MTMR12: variants seen among roughly 807,000 people sequenced by gnomAD.
MTMR12 encodes myotubularin-related protein 12.
Under a neutral mutation model 96.7 loss-of-function variants are expected in MTMR12, and 33 were observed. That is an observed-to-expected ratio of 0.34 (90% CI 0.26 to 0.46). The LOEUF (loss-of-function observed/expected upper bound fraction) is 0.46. Among genes scored for constraint, MTMR12 ranks in the 20% least tolerant of loss-of-function variants. MTMR12 has a pLI of 1.00. For missense variants in MTMR12, 721 were observed against 896.1 expected, an observed-to-expected ratio of 0.80 and a Z score of 2.49; for synonymous variants, 298 against 327.2, an observed-to-expected ratio of 0.91 and a Z score of 0.96.
At chr5:32,301,956 AAC>A (rs1751166293) in intron 1 of MTMR12, among the ~76,000 whole-genome samples, 1 of 152,284 alleles carries the variant, frequency 6.6e-6, no homozygotes, top group East Asian at 1.9e-4. Flanking sequence ...AAAAAACAAA[AAC>A]AAAAACAAAA....
At chr5:32,293,082 G>GT (rs1750796795) in intron 1 of MTMR12, among the ~76,000 whole-genome samples, 1 of 152,152 alleles carries the variant, frequency 6.6e-6, no homozygotes, top group Non-Finnish European at 1.5e-5. Context: ...TATGTTAGGC[G>GT]TAATTATGAC....
At chr5:32,303,119 A>G (rs1045343951) in intron 1 of MTMR12, among the ~76,000 whole-genome samples, 1 of 152,228 alleles carries the variant, frequency 6.6e-6, no homozygotes, top group Non-Finnish European at 1.5e-5. Flanking sequence ...AATGGCCCAC[A>G]TCTCTTAAAG....
At chr5:32,310,094 T>C (rs142559320) in intron 1 of MTMR12, among the ~76,000 whole-genome samples, 2,405 of 152,254 alleles carry the variant, frequency 0.016, 53 homozygotes, top group African/African-American at 0.054. Context: ...GCAGGAGGAT[T>C]GCTTGAGCCC....
intron 1 of MTMR12, among the ~76,000 whole-genome samples, chr5:32,310,020 G>T (rs913606151): frequency 2.6e-5 from 4 of 152,138 alleles, no homozygotes; most frequent in African/African-American, 9.7e-5. Context: ...ACACCCAAAA[G>T]AAAGGAAATC....
chr5:32,282,180 A>G (rs552235062), intron 1 of MTMR12, among the ~76,000 whole-genome samples: 8 of 152,210 alleles, frequency 5.3e-5, no homozygotes, highest in African/African-American at 1.9e-4. Context: ...CAGGAGATCG[A>G]GATCATCCTG....
intron 11 of MTMR12, 62 bp downstream of exon 11, chr5:32,243,459 T>G (rs1748554413): frequency 1.7e-6 from 2 of 1,163,440 alleles, no homozygotes; most frequent in Non-Finnish European, 2.5e-6. Flanking sequence ...TTTGTCGGTT[T>G]GATCTACTAC....
chr5:32,266,094 A>G (rs954495640), intron 6 of MTMR12, among the ~76,000 whole-genome samples: 2 of 152,114 alleles, frequency 1.3e-5, no homozygotes, highest in Admixed American at 1.3e-4. Flanking sequence ...ATGCTCCACT[A>G]TCTGCTAAGG....
At chr5:32,244,068 T>C (rs139878210) in intron 10 of MTMR12, among the ~76,000 whole-genome samples, 1 of 152,272 alleles carries the variant, frequency 6.6e-6, no homozygotes, top group Non-Finnish European at 1.5e-5. Context: ...TCCTCCTACA[T>C]GCCTTATAAA....
intron 10 of MTMR12, among the ~76,000 whole-genome samples, chr5:32,244,356 G>C (rs1319307984): frequency 6.6e-6 from 1 of 152,018 alleles, no homozygotes; most frequent in South Asian, 2.1e-4. Context: ...TTGGGAGGCG[G>C]AGGTGGGCGC....
rs1281694493 is a variant in MTMR12 at position 32,312,272 on chromosome 5, C to A, written c.81+486G>T. On this transcript the variant is annotated intron_variant, in intron 1 of 15. Transcript: ENST00000382142. The surrounding 1 kb of genome is among the most constrained non-coding windows in gnomAD (Gnocchi z 5.0). ...CCCCGCAGCGCTGACGGGAGGCGGA[C>A]GTAGGTGCAGGGCATCCCGCCAGCC... Among the ~76,000 whole-genome samples the A allele has an allele frequency of 6.6e-6, 1 of 152,200 alleles. No homozygotes were observed. Among genetic ancestry groups the A allele is most frequent in the Admixed American group, 6.5e-5 (1 of 15,278 alleles).
At chr5:32,257,108 GC>G (rs1234138988) in intron 7 of MTMR12, among the ~76,000 whole-genome samples, 1 of 152,034 alleles carries the variant, frequency 6.6e-6, no homozygotes, top group Non-Finnish European at 1.5e-5. Context: ...TGGGAGGGCT[GC>G]TTGAGGCCAG....
At chr5:32,279,210 G>A (rs371184115) in intron 1 of MTMR12, among the ~76,000 whole-genome samples, 1 of 151,126 alleles carries the variant, frequency 6.6e-6, no homozygotes, top group Non-Finnish European at 1.5e-5. Flanking sequence ...AATTTGAGAC[G>A]GGCTTAGGAA....
chr5:32,270,760 A>G (rs1441654838), intron 5 of MTMR12, 57 bp downstream of exon 5: 2 of 1,541,200 alleles, frequency 1.3e-6, no homozygotes, highest in Non-Finnish European at 1.8e-6. Context: ...CAAAAACTAG[A>G]GCTAGTGGGG....
At position 32,282,928 on chromosome 5, in the gene MTMR12, G is replaced by A. The variant is rs16889562; in HGVS notation, c.82-6186C>T. 9.3e-3 allele frequency among the ~76,000 whole-genome samples: 1,419 copies of A among 152,200 alleles called. 24 individuals are homozygous for A. Among genetic ancestry groups the A allele is most frequent in the African/African-American group, 0.032 (1,324 of 41,520 alleles). The stretch of plus-strand genomic sequence containing the variant: ...TATTTCAATATTCTTAAGAGAAAAC[G>A]GATTTACCATTCTTTGCTTGTTGAT... On this transcript the variant is annotated intron_variant, in intron 1 of 15. Transcript: ENST00000382142.
At chr5:32,275,617 G>A (rs1342672032) in intron 2 of MTMR12, among the ~76,000 whole-genome samples, 1 of 152,210 alleles carries the variant, frequency 6.6e-6, no homozygotes, top group Admixed American at 6.5e-5. Flanking sequence ...AGCTAGAAAT[G>A]ATCTTTGTCT....
At chr5:32,296,422 T>C in intron 1 of MTMR12, 1 of 306,176 alleles carries the variant, frequency 3.3e-6, no homozygotes. Context: ...GAGGCTGGAG[T>C]GAGCTGAGAT....
intron 1 of MTMR12, among the ~76,000 whole-genome samples, chr5:32,289,436 C>A (rs1284496979): frequency 6.6e-6 from 1 of 152,190 alleles, no homozygotes; most frequent in Admixed American, 6.5e-5. Context: ...ACATTACCAA[C>A]AATTTACGCA....
chr5:32,281,697 C>T (rs934759035), intron 1 of MTMR12, among the ~76,000 whole-genome samples: 2 of 151,886 alleles, frequency 1.3e-5, no homozygotes, highest in African/African-American at 4.8e-5. Flanking sequence ...GTCAGGAGTT[C>T]GAGACCAGCC....
At position 32,312,610 on chromosome 5, in the gene MTMR12, C is replaced by A. The variant is rs1008316781; in HGVS notation, c.81+148G>T. 4.4e-6 allele frequency: 3 copies of A among 684,390 alleles called. No homozygotes were observed. In the South Asian group the frequency reaches 2.1e-4, roughly 47 times the overall value. 42.4% of individuals were successfully genotyped at this position (684,390 alleles called of 1,614,324 possible). On this transcript the variant is annotated intron_variant, in intron 1 of 15. Transcript: ENST00000382142. This position sits in a 1 kb window ranked among gnomAD's most constrained non-coding sequence, Gnocchi z 5.0. ...CCCGCGCGGAGGCCCCAGCGCGCTCCTGCGGCCTCAGCCCGCCTGGCTGCC... is the reference window on the plus strand; with the variant it reads ...CCCGCGCGGAGGCCCCAGCGCGCTCATGCGGCCTCAGCCCGCCTGGCTGCC...
Sources: allele counts gnomAD v4.1 joint callset (sites outside exome capture counted in the v4.1 genomes callset), GRCh38; gene constraint gnomAD v4.1.1; non-coding constraint Gnocchi (gnomAD v3.1); transcripts MANE v1.5; gene names NCBI Gene and HGNC (gene_info 2026-07-23, HGNC 2026-07-21).